ACE: variants seen among roughly 807,000 people sequenced by gnomAD.
ACE encodes angiotensin-converting enzyme.
Under a neutral mutation model 162.3 loss-of-function variants are expected in ACE, and 122 were observed. The ratio of observed to expected loss-of-function variants is 0.75; its 90% confidence interval spans 0.65 to 0.87. The LOEUF is 0.87. Ranked by LOEUF, ACE falls within the 40% of genes least tolerant of loss-of-function variation. The probability of loss-of-function intolerance (pLI) is 0.00; values close to 1 mark genes in which losing one functional copy is unlikely to be tolerated. For synonymous variants in ACE, 796 were observed against 720.6 expected (o/e 1.10, Z -1.68); for missense variants, 1,799 against 1,735.1 (o/e 1.04, Z -0.65).
chr17:63,483,568 C>CGGGGCG lies in ACE; in HGVS notation c.1586+10_1586+11insGGGGCG. ...TGACACCATACATCAGGTATTAGCG[C>CGGGGCG]CCCCACCCCACCCACCCCCAGTACT... On this transcript the variant is annotated intron_variant, in intron 10 of 24. Transcript: ENST00000290866. 5 of 1,585,810 alleles carry CGGGGCG rather than the reference C, an allele frequency of 3.2e-6. No homozygotes were observed. Among genetic ancestry groups the CGGGGCG allele is most frequent in the Non-Finnish European group, 3.4e-6 (4 of 1,159,918 alleles).
rs948220844 is a variant in ACE, at chr17:63,484,062, G to T, written c.1709+91G>T. The T allele has an allele frequency of 2.7e-5, 41 of 1,523,616 alleles. No homozygotes were observed. Among genetic ancestry groups the T allele is most frequent in the Non-Finnish European group, 3.2e-5 (36 of 1,136,732 alleles). 94.4% of individuals were successfully genotyped at this position (1,523,616 alleles called of 1,614,324 possible). A position where few individuals can be genotyped will look rare whatever the true frequency, so the allele number is the denominator to read the frequency against. On this transcript the variant is annotated intron_variant, in intron 11 of 24. Transcript: ENST00000290866. This position sits in a 1 kb window ranked among gnomAD's most constrained non-coding sequence, Gnocchi z 4.0. ...AGGTGTCTGGCTGCTCTGATGGGGT[G>T]GGGGGCACCAACCACAGAGCTGGAC...
At chr17:63,494,744 T>C (rs972119901) in intron 22 of ACE, among the ~76,000 whole-genome samples, 3 of 152,244 alleles carry the variant, frequency 2.0e-5, no homozygotes, top group Non-Finnish European at 4.4e-5. Context: ...GGTTAAGTAG[T>C]TAACATTAAC....
intron 16 of ACE, 24 bp downstream of exon 16, chr17:63,488,815 C>T (rs1427692600): frequency 8.1e-6 from 13 of 1,613,994 alleles, no homozygotes; most frequent in Admixed American, 5.0e-5. Context: ...GCCAACATCA[C>T]TGGCACTTGG....
At chr17:63,488,288 G>T (rs549431294) in intron 15 of ACE, among the ~76,000 whole-genome samples, 1 of 151,322 alleles carries the variant, frequency 6.6e-6, no homozygotes, top group Non-Finnish European at 1.5e-5. Context: ...GAGCCTGGGA[G>T]GTCAAGGCTG....
Position 63,484,045 on chromosome 17 carries a change from G to A in ACE, c.1709+74G>A. 1 of 1,542,050 alleles carries A rather than the reference G, an allele frequency of 6.5e-7. No homozygotes were observed. On this transcript the variant is annotated intron_variant, in intron 11 of 24. Coordinates refer to ENST00000290866, the MANE Select transcript of ACE (RefSeq NM_000789.4). This position sits in a 1 kb window ranked among gnomAD's most constrained non-coding sequence, Gnocchi z 4.0. Reference sequence around the variant, plus strand: ...GCAAAGGGTGTGGCAGGAGGTGTCTGGCTGCTCTGATGGGGTGGGGGGCAC... The same window carrying A: ...GCAAAGGGTGTGGCAGGAGGTGTCTAGCTGCTCTGATGGGGTGGGGGGCAC...
chr17:63,479,154 C>T, intron 3 of ACE, 54 bp downstream of exon 3: 3 of 1,416,834 alleles, frequency 2.1e-6, no homozygotes, highest in Middle Eastern at 1.8e-4. Context: ...CCACATTGCC[C>T]TGCTGCACTC....
intron 2 of ACE, chr17:63,478,548 A>G: frequency 3.1e-6 from 1 of 318,282 alleles, no homozygotes; most frequent in Non-Finnish European, 6.1e-6. Flanking sequence ...CTACAGTCCC[A>G]GCTACTCTTG....
At position 63,497,699 on chromosome 17, in the gene ACE, C is replaced by A; in HGVS notation, c.*333C>A. On this transcript the variant is annotated 3_prime_UTR_variant, in exon 25 of 25. Coordinates refer to ENST00000290866, the MANE Select transcript of ACE (RefSeq NM_000789.4). ...TGCCTCCTGGCAGTCAAGTGGGTCCCGTTACTAGGTTTGTTCCTCCATCCT... is the reference window on the plus strand; with the variant it reads ...TGCCTCCTGGCAGTCAAGTGGGTCCAGTTACTAGGTTTGTTCCTCCATCCT... The A allele has an allele frequency of 1.9e-6, 1 of 535,240 alleles. No individual in the cohort carries two copies. The highest frequency in any genetic ancestry group is 3.5e-6 in the Non-Finnish European group (1 of 287,154). The allele number at this position is 535,240 out of a possible 1,614,324, so 33.2% of individuals were successfully genotyped here. A position where few individuals can be genotyped will look rare whatever the true frequency, so the allele number is the denominator to read the frequency against.
Position 63,497,776 on chromosome 17 carries a change from G to T in ACE, c.*410G>T. On this transcript the variant is annotated 3_prime_UTR_variant, in exon 25 of 25. Coordinates refer to ENST00000290866, the MANE Select transcript of ACE (RefSeq NM_000789.4). ...GAGCTCTGCCCCAGCACCTCCTGGC[G>T]CTGGCGCCTGTCTTCCCTCCAGCCC... 7.9e-6 allele frequency: 3 copies of T among 377,982 alleles called. No individual in the cohort carries two copies. The highest frequency in any genetic ancestry group is 1.5e-5 in the Non-Finnish European group (3 of 197,186). 23.4% of individuals were successfully genotyped at this position (377,982 alleles called of 1,614,324 possible).
intron 7 of ACE, 33 bp from the exon 8 acceptor site, chr17:63,482,433 G>A (rs375601780): frequency 2.2e-5 from 36 of 1,600,664 alleles, no homozygotes; most frequent in Admixed American, 8.5e-5. Flanking sequence ...CTGTCCATCC[G>A]TCACTCTCAC....
chr17:63,491,368 G>A lies in ACE; in HGVS notation c.2899G>A (p.Gly967Ser), dbSNP rs937878555. ...CGCCTCGGCCTGGGACTTCTACAACGGCAAGGACTTCCGGTACATCCAGCT... is the reference window on the plus strand; with the variant it reads ...CGCCTCGGCCTGGGACTTCTACAACAGCAAGGACTTCCGGTACATCCAGCT... ...CHASAWDFYN[G>S]KDFRIKQCTT... is the part of the protein sequence containing the mutation. The change falls in exon 19 of 25, where the codon GGC becomes AGC. Residue 967 changes from glycine (G) to serine (S), a missense_variant. By Grantham distance (56) the Gly-to-Ser change is moderately conservative. Coordinates refer to ENST00000290866, the MANE Select transcript of ACE (RefSeq NM_000789.4). This position sits in a 1 kb window ranked among gnomAD's most constrained non-coding sequence, Gnocchi z 4.4. 2.0e-5 allele frequency: 32 copies of A among 1,613,976 alleles called. No homozygotes were observed. The East Asian group carries it at 4.0e-4, about 20-fold the overall frequency.
At chr17:63,492,903 C>T (rs1251366868) in intron 19 of ACE, among the ~76,000 whole-genome samples, 25 of 152,172 alleles carry the variant, frequency 1.6e-4, no homozygotes, top group Admixed American at 1.6e-3. Flanking sequence ...TGACGAGAGA[C>T]GGTAGAACCT....
rs538659872 is a variant in ACE at position 63,496,827 on chromosome 17, C to T, written c.3533C>T (p.Pro1178Leu). 1.5e-5 allele frequency: 24 copies of T among 1,613,006 alleles called. No individual in the cohort carries two copies. The East Asian group carries it at 1.8e-4, about 12-fold the overall frequency. The change falls in exon 24 of 25, where the codon CCG becomes CTG. Residue 1178 changes from proline (P) to leucine (L), a missense_variant. By Grantham distance (98) the Pro-to-Leu change is moderately conservative. Coordinates refer to ENST00000290866, the MANE Select transcript of ACE (RefSeq NM_000789.4). ...GCCATGAAGCTGGGCTTCAGTAGGC[C>T]GTGGCCGGAAGCCATGCAGCTGATC... Reference protein sequence around the residue: ...ATAMKLGFSRPWPEAMQLITG... With the variant: ...ATAMKLGFSRLWPEAMQLITG...
Position 63,484,767 on chromosome 17 carries a change from T to C in ACE, c.1921+226T>C, listed in dbSNP as rs545062425. On this transcript the variant is annotated intron_variant, in intron 12 of 24. Transcript: ENST00000290866. The surrounding 1 kb of genome is among the most constrained non-coding windows in gnomAD (Gnocchi z 4.0). Reference sequence around the variant, plus strand: ...TGCTCAGACCTGAGGGCCCCTCCCCTTCCAGAGGAAGCCAGACACAAGGCT... The same window carrying C: ...TGCTCAGACCTGAGGGCCCCTCCCCCTCCAGAGGAAGCCAGACACAAGGCT... The C allele has an allele frequency of 2.0e-5, 30 of 1,474,384 alleles. No individual in the cohort carries two copies. The East Asian group carries it at 6.7e-4, about 33-fold the overall frequency. 91.3% of individuals were successfully genotyped at this position (1,474,384 alleles called of 1,614,324 possible).
Position 63,479,923 on chromosome 17 carries a change from C to A in ACE, c.655+11C>A. Reference sequence around the variant, plus strand: ...CCTACAAGCAGGACGGTGAGCAGGCCTCTCCCTGTCCAGGAACCACGCCAG... The same window carrying A: ...CCTACAAGCAGGACGGTGAGCAGGCATCTCCCTGTCCAGGAACCACGCCAG... On this transcript the variant is annotated intron_variant, in intron 4 of 24. Coordinates refer to ENST00000290866, the MANE Select transcript of ACE (RefSeq NM_000789.4). The A allele has an allele frequency of 6.2e-7, 1 of 1,604,338 alleles. No individual in the cohort carries two copies. The highest frequency in any genetic ancestry group is 1.3e-5 in the African/African-American group (1 of 74,884).
chr17:63,486,957 C>T, intron 14 of ACE, 29 bp from the exon 15 acceptor site: 2 of 1,582,498 alleles, frequency 1.3e-6, no homozygotes, highest in Non-Finnish European at 1.7e-6. Flanking sequence ...CAAAGGAGTA[C>T]AGCTCATTGC....
intron 5 of ACE, 85 bp from the exon 6 acceptor site, chr17:63,481,006 G>A (rs748317839): frequency 8.8e-6 from 12 of 1,367,580 alleles, no homozygotes; most frequent in Admixed American, 5.0e-5. Flanking sequence ...TACAGGTGCC[G>A]GCCCCAGGGT....
chr17:63,478,149 C>G, intron 2 of ACE, 51 bp downstream of exon 2: 1 of 1,547,258 alleles, frequency 6.5e-7, no homozygotes, highest in Non-Finnish European at 8.7e-7. Flanking sequence ...AGTGCCCCAT[C>G]GTGGGGGTCG....
At position 63,481,562 on chromosome 17, in the gene ACE, C is replaced by G. The variant is rs753598189; in HGVS notation, c.946-4C>G. The G allele has an allele frequency of 3.1e-6, 5 of 1,613,744 alleles. No homozygotes were observed. Among genetic ancestry groups the G allele is most frequent in the Non-Finnish European group, 4.2e-6 (5 of 1,180,004 alleles). On this transcript the variant is annotated splice_region_variant and splice_polypyrimidine_tract_variant and intron_variant, in intron 6 of 24. Transcript: ENST00000290866. ...CCTGACCTGGCTCCACACCCCTCCT[C>G]CAGGGCTGGAACGCCACGCACATGT...
Sources: allele counts gnomAD v4.1 joint callset (sites outside exome capture counted in the v4.1 genomes callset), GRCh38; gene constraint gnomAD v4.1.1; non-coding constraint Gnocchi (gnomAD v3.1); transcripts MANE v1.5; gene names NCBI Gene and HGNC (gene_info 2026-07-23, HGNC 2026-07-21).